EIF1AX: variants seen among roughly 807,000 people sequenced by gnomAD.
EIF1AX encodes the protein eukaryotic translation initiation factor 1A, X-chromosomal.
A neutral mutation model predicts 16.1 loss-of-function variants in EIF1AX; 1 was observed. The ratio of observed to expected loss-of-function variants is 0.06; its 90% CI spans 0.02 to 0.30. EIF1AX has a LOEUF of 0.30. Among genes scored for constraint, EIF1AX ranks in the 10% least tolerant of loss-of-function variants. The pLI is 1.00. For missense variants in EIF1AX, 11 were observed against 109.1 expected (o/e 0.10, Z 4.00); for synonymous variants, 32 against 37.3 (o/e 0.86, Z 0.51).
At chrX:20,137,015 A>AT (rs1455123426) in intron 2 of EIF1AX, among the ~76,000 whole-genome samples, 1 of 112,147 alleles carries the variant, frequency 8.9e-6, no homozygotes, top group East Asian at 2.8e-4. Flanking sequence ...ACTAGATATT[A>AT]TATCAATGTC....
intron 2 of EIF1AX, chrX:20,136,334 G>T (rs959775878): frequency 2.8e-6 from 1 of 354,050 alleles, no homozygotes; most frequent in Non-Finnish European, 5.4e-6. Context: ...CATGCATCAG[G>T]TAGACCGGAA....
Position 20,141,823 on chromosome X carries a change from G to A in EIF1AX, c.-183C>T. 2 of 435,418 alleles carry A rather than the reference G, an allele frequency of 4.6e-6. No individual in the cohort carries two copies. Among genetic ancestry groups the A allele is most frequent in the East Asian group, 9.2e-5 (2 of 21,786 alleles). 35.9% of individuals were successfully genotyped at this position (435,418 alleles called of 1,213,427 possible). A position where few individuals can be genotyped will look rare whatever the true frequency, so the allele number is the denominator to read the frequency against. On this transcript the variant is annotated 5_prime_UTR_variant, in exon 1 of 7. Transcript: ENST00000379607. ...CAGAGATCCGCCTGCGTCCACGCTC[G>A]GCGGCAGCAAATGGCGCCGCGACTC...
chrX:20,125,886 G>C lies in EIF1AX; in HGVS notation c.*2420C>G, dbSNP rs997630909. Reference sequence around the variant, plus strand: ...GAATTTCCATCATGCATAGTTTACAGGCTTGGTAAGAAGCGGTCTCTTTAG... The same window carrying C: ...GAATTTCCATCATGCATAGTTTACACGCTTGGTAAGAAGCGGTCTCTTTAG... On this transcript the variant is annotated 3_prime_UTR_variant, in exon 7 of 7. Coordinates refer to ENST00000379607, the MANE Select transcript of EIF1AX (RefSeq NM_001412.4). The C allele has an allele frequency of 6.5e-6, 1 of 153,621 alleles. No individual in the cohort carries two copies. The highest frequency in any genetic ancestry group is 1.3e-5 in the Non-Finnish European group (1 of 79,096). 12.7% of individuals were successfully genotyped at this position (153,621 alleles called of 1,213,427 possible).
At chrX:20,129,644 C>T (rs777533375) in intron 6 of EIF1AX, among the ~76,000 whole-genome samples, 4 of 112,244 alleles carry the variant, frequency 3.6e-5, no homozygotes, top group African/African-American at 9.7e-5. Context: ...GAAAGACAAT[C>T]CATTTTCCTC....
At chrX:20,129,508 G>A (rs2066994780) in intron 6 of EIF1AX, among the ~76,000 whole-genome samples, 1 of 112,344 alleles carries the variant, frequency 8.9e-6, no homozygotes, top group Admixed American at 9.4e-5. Context: ...AGATTTAAGA[G>A]TAACACCCTA....
chrX:20,138,444 G>A (rs1223672623), intron 2 of EIF1AX, 95 bp downstream of exon 2: 15 of 717,201 alleles, frequency 2.1e-5, no homozygotes, highest in Non-Finnish European at 3.3e-5. Flanking sequence ...ACTTCACCCT[G>A]GGCGATGGGC....
In EIF1AX at chrX:20,127,874, T is replaced by C. The variant is rs1194074062; in HGVS notation, c.*432A>G. On this transcript the variant is annotated 3_prime_UTR_variant, in exon 7 of 7. Coordinates refer to ENST00000379607, the MANE Select transcript of EIF1AX (RefSeq NM_001412.4). ...ACTGCAGACTTCTGCCTCCCTCAAA[T>C]TGTATCAAAATCTCAAGGGAATATC... 1.4e-5 allele frequency: 2 copies of C among 145,480 alleles called. No individual in the cohort carries two copies. The highest frequency in any genetic ancestry group is 4.8e-5 in the African/African-American group (1 of 20,903). The allele number at this position is 145,480 out of a possible 1,213,427, so 12.0% of individuals were successfully genotyped here. A position where few individuals can be genotyped will look rare whatever the true frequency, so the allele number is the denominator to read the frequency against.
chrX:20,141,147 T>G (rs2067032746), intron 1 of EIF1AX, among the ~76,000 whole-genome samples: 1 of 111,287 alleles, frequency 9.0e-6, no homozygotes, highest in African/African-American at 3.3e-5. Flanking sequence ...GGACAGCGAG[T>G]AGCCTCAACA....
chrX:20,141,805 C>G lies in EIF1AX; in HGVS notation c.-165G>C. ...GCTGGCGACCCAGCTCTTCAGAGAT[C>G]CGCCTGCGTCCACGCTCGGCGGCAG... On this transcript the variant is annotated 5_prime_UTR_variant, in exon 1 of 7. Transcript: ENST00000379607. 2.1e-6 allele frequency: 1 copy of G among 473,818 alleles called. No individual in the cohort carries two copies. The highest frequency in any genetic ancestry group is 3.3e-6 in the Non-Finnish European group (1 of 299,518). 39.0% of individuals were successfully genotyped at this position (473,818 alleles called of 1,213,427 possible).
chrX:20,125,961 T>C lies in EIF1AX; in HGVS notation c.*2345A>G, dbSNP rs1255739666. 12 of 140,337 alleles carry C rather than the reference T, an allele frequency of 8.6e-5. No individual in the cohort carries two copies. 11.6% of individuals were successfully genotyped at this position (140,337 alleles called of 1,213,427 possible). On this transcript the variant is annotated 3_prime_UTR_variant, in exon 7 of 7. Transcript: ENST00000379607. ...AACAAACAATGAAATCTTGGCTTTT[T>C]TTTTTTTTTACACAAATGTTTGGTT...
chrX:20,131,679 GTTTT>G (rs758358275), intron 5 of EIF1AX, among the ~76,000 whole-genome samples: 6 of 85,827 alleles, frequency 7.0e-5, no homozygotes, highest in South Asian at 1.1e-3. Context: ...TTGCTTCATG[GTTTT>G]TTTTTTTTTT....
rs750640084 is a variant in EIF1AX, at chrX:20,130,482, CA to C, written c.429+33del. On this transcript the variant is annotated intron_variant, in intron 6 of 6. Coordinates refer to ENST00000379607, the MANE Select transcript of EIF1AX (RefSeq NM_001412.4). The stretch of plus-strand genomic sequence containing the variant: ...AAGTTGGTTTCTCCATGGATAATAA[CA>C]AAAATTGGAAAACACAAGGTACATC... The C allele has an allele frequency of 1.8e-5, 21 of 1,152,253 alleles. 1 individual carries two copies. The highest frequency in any genetic ancestry group is 2.0e-5 in the Non-Finnish European group (17 of 868,087). 95.0% of individuals were successfully genotyped at this position (1,152,253 alleles called of 1,213,427 possible).
chrX:20,132,097 A>G, intron 5 of EIF1AX, 85 bp downstream of exon 5: 1 of 738,858 alleles, frequency 1.4e-6, no homozygotes, highest in Non-Finnish European at 2.0e-6. Flanking sequence ...AAAGTAAATA[A>G]GCAAAATCCA....
intron 1 of EIF1AX, among the ~76,000 whole-genome samples, chrX:20,139,095 G>A (rs2067026334): frequency 9.0e-6 from 1 of 111,412 alleles, no homozygotes; most frequent in Non-Finnish European, 1.9e-5. Flanking sequence ...CATAAATATT[G>A]AAATCTCACT....
At chrX:20,132,579 A>G (rs2067004472) in intron 4 of EIF1AX, among the ~76,000 whole-genome samples, 1 of 112,097 alleles carries the variant, frequency 8.9e-6, no homozygotes, top group Non-Finnish European at 1.9e-5. Flanking sequence ...TTTGAAGTAC[A>G]AAAGTTCCCT....
intron 6 of EIF1AX, among the ~76,000 whole-genome samples, chrX:20,128,820 G>A (rs1317401939): frequency 9.0e-6 from 1 of 111,595 alleles, no homozygotes; most frequent in Non-Finnish European, 1.9e-5. Flanking sequence ...AGGAGGCGTT[G>A]GCCCAGATCC....
At chrX:20,138,478 A>G in intron 2 of EIF1AX, 61 bp downstream of exon 2, 1 of 953,991 alleles carries the variant, frequency 1.0e-6, no homozygotes, top group Non-Finnish European at 1.5e-6. Context: ...AAAAAAATAA[A>G]GTCCCCAGCT....
chrX:20,132,119 C>T (rs917388547), intron 5 of EIF1AX, 63 bp downstream of exon 5: 6 of 927,236 alleles, frequency 6.5e-6, no homozygotes, highest in Non-Finnish European at 7.5e-6. Flanking sequence ...AGTTCCTTCA[C>T]CTAACCAGCA....
At position 20,136,470 on chromosome X, in the gene EIF1AX, A is replaced by G. The variant is rs1266347689; in HGVS notation, c.101-629T>C. The G allele has an allele frequency of 3.5e-5, 6 of 170,322 alleles. No homozygotes were observed. The East Asian group carries it at 7.8e-4, about 22-fold the overall frequency. The allele number at this position is 170,322 out of a possible 1,213,427, so 14.0% of individuals were successfully genotyped here. A position where few individuals can be genotyped will look rare whatever the true frequency, so the allele number is the denominator to read the frequency against. Reference sequence around the variant, plus strand: ...GCTATTAGACATGTTTAAATTATCGACTCATTCTGAATAAGTAGATTGACT... The same window carrying G: ...GCTATTAGACATGTTTAAATTATCGGCTCATTCTGAATAAGTAGATTGACT... On this transcript the variant is annotated intron_variant, in intron 2 of 6. Coordinates refer to ENST00000379607, the MANE Select transcript of EIF1AX (RefSeq NM_001412.4).
Sources: gnomAD v4.1 joint callset for allele counts (sites outside exome capture counted in the v4.1 genomes callset) on GRCh38, gnomAD v4.1.1 for gene constraint, MANE v1.5 for transcripts, NCBI Gene and HGNC (gene_info 2026-07-23, HGNC 2026-07-21) for gene names.